The following FGF1 variants were observed in gnomAD, a reference collection of about 807,000 sequenced individuals.
The protein encoded by FGF1 is fibroblast growth factor 1, also known as beta-endothelial cell growth factor.
A neutral mutation model predicts 13.4 loss-of-function variants in FGF1; 9 were observed. The observed-to-expected ratio is 0.67, with a 90% CI of 0.40 to 1.17. FGF1 has a LOEUF of 1.17. FGF1 is among the 50% of genes most tolerant of loss of function. The probability of loss-of-function intolerance (pLI) is 0.01; values close to 1 mark genes in which losing one functional copy is unlikely to be tolerated. For synonymous variants in FGF1, 93 were observed against 79.0 expected (o/e 1.18, Z -0.94); for missense variants, 156 against 192.7 (o/e 0.81, Z 1.13).
intron 1 of FGF1, among the ~76,000 whole-genome samples, chr5:142,662,429 A>G (rs1769434101): frequency 6.6e-6 from 1 of 152,234 alleles, no homozygotes; most frequent in East Asian, 1.9e-4. Flanking sequence ...GTGGACACCA[A>G]TTCAATGATT....
At position 142,629,893 on chromosome 5, in the gene FGF1, A is replaced by ATTC. The variant is rs1229121020; in HGVS notation, c.-34-15733_-34-15732insGAA. Among the ~76,000 whole-genome samples, 282 of 120,060 alleles carry ATTC rather than the reference A, an allele frequency of 2.3e-3. 3 individuals carry two copies. The highest frequency in any genetic ancestry group is 4.2e-3 in the Non-Finnish European group (240 of 57,430). 78.8% of individuals were successfully genotyped at this position (120,060 alleles called of 152,430 possible). ...ACATATATATTATATATATATATAT[A>ATTC]TATTTTTTTTTTTTCTTTGAGATAG... On this transcript the variant is annotated intron_variant, in intron 1 of 3. Coordinates refer to ENST00000337706, the MANE Select transcript of FGF1 (RefSeq NM_000800.5).
chr5:142,599,370 G>A (rs1436882667), intron 3 of FGF1, among the ~76,000 whole-genome samples: 2 of 152,232 alleles, frequency 1.3e-5, no homozygotes, highest in Non-Finnish European at 2.9e-5. Context: ...GAGAGGAAAC[G>A]AAGCTGTGTT....
intron 1 of FGF1, among the ~76,000 whole-genome samples, chr5:142,623,185 A>G (rs550175646): frequency 1.3e-5 from 2 of 152,276 alleles, no homozygotes; most frequent in South Asian, 4.1e-4. Context: ...GACACTCACT[A>G]GTAAATGACT....
At chr5:142,624,824 A>T (rs1762200799) in intron 1 of FGF1, among the ~76,000 whole-genome samples, 1 of 152,264 alleles carries the variant, frequency 6.6e-6, no homozygotes, top group Admixed American at 6.5e-5. Context: ...AAATTCAAAA[A>T]GCTCTGAAAG....
chr5:142,687,595 C>T (rs1287399079), upstream of FGF1, among the ~76,000 whole-genome samples: 2 of 152,138 alleles, frequency 1.3e-5, no homozygotes, highest in African/African-American at 2.4e-5. Context: ...TCCAAAGGGC[C>T]TTCTGAATCC....
chr5:142,691,860 A>G (rs1231554408), intron 2 of FGF1, among the ~76,000 whole-genome samples: 1 of 152,196 alleles, frequency 6.6e-6, no homozygotes, highest in African/African-American at 2.4e-5. Flanking sequence ...GCCTGCACAT[A>G]GGATCTGCCA....
intron 1 of FGF1, among the ~76,000 whole-genome samples, chr5:142,615,966 C>T (rs1327283474): frequency 6.6e-6 from 1 of 152,224 alleles, no homozygotes; most frequent in African/African-American, 2.4e-5. Flanking sequence ...CACCAACAGC[C>T]TCTCCTTTTG....
At chr5:142,658,811 G>T (rs1429972670) in intron 1 of FGF1, among the ~76,000 whole-genome samples, 3 of 152,116 alleles carry the variant, frequency 2.0e-5, no homozygotes, top group Non-Finnish European at 4.4e-5. Flanking sequence ...TTGCCGTCCT[G>T]GTACCTGTGT....
chr5:142,637,074 A>G (rs1198269216), intron 1 of FGF1, among the ~76,000 whole-genome samples: 1 of 151,970 alleles, frequency 6.6e-6, no homozygotes, highest in Non-Finnish European at 1.5e-5. Context: ...GTATGGGCTA[A>G]ATGCTGTGTC....
intron 1 of FGF1, among the ~76,000 whole-genome samples, chr5:142,618,233 C>G (rs1284596417): frequency 3.3e-5 from 5 of 152,124 alleles, no homozygotes; most frequent in African/African-American, 9.7e-5. Context: ...TAGAGGAACA[C>G]CAAGCCTATT....
At chr5:142,697,707 G>A (rs1753348798) in exon 2 of FGF1, 1 of 152,340 alleles carries the variant, frequency 6.6e-6, no homozygotes, top group South Asian at 2.1e-4. Flanking sequence ...GACAGCTGCA[G>A]GCAGGCTGCT....
At chr5:142,687,820 T>A (rs1751497521), upstream of FGF1, among the ~76,000 whole-genome samples, 1 of 152,212 alleles carries the variant, frequency 6.6e-6, no homozygotes, top group Admixed American at 6.5e-5. Context: ...CAGGTCTCCC[T>A]GCTTTAGGTT....
chr5:142,608,567 TATATATATATATATATAC>T (rs748560868), intron 2 of FGF1, among the ~76,000 whole-genome samples: 3,600 of 97,484 alleles, frequency 0.037, 118 homozygotes, highest in Middle Eastern at 0.065. Flanking sequence ...TATATATATA[TATATATATATATATATAC>T]ACACACACAC....
intron 1 of FGF1, among the ~76,000 whole-genome samples, chr5:142,618,875 A>T (rs1355703033): frequency 1.4e-5 from 2 of 147,028 alleles, no homozygotes; most frequent in Admixed American, 1.3e-4. Context: ...AAAGACTGTG[A>T]TGTGTTAAGA....
intron 1 of FGF1, among the ~76,000 whole-genome samples, chr5:142,644,474 C>T (rs1223424701): frequency 6.6e-6 from 1 of 151,988 alleles, no homozygotes; most frequent in Non-Finnish European, 1.5e-5. Context: ...CTGGACCATT[C>T]CTGCAGTGTG....
intron 2 of FGF1, among the ~76,000 whole-genome samples, chr5:142,608,791 T>C (rs1340860166): frequency 2.8e-5 from 2 of 72,230 alleles, no homozygotes; most frequent in Admixed American, 3.3e-4. Context: ...GTATATGTGA[T>C]ATATTATGTG....
chr5:142,646,208 CTTTTTTTTTT>C (rs762008952), intron 1 of FGF1, among the ~76,000 whole-genome samples: 1 of 54,916 alleles, frequency 1.8e-5, no homozygotes, highest in African/African-American at 7.2e-5. Context: ...CGCACCTGGC[CTTTTTTTTTT>C]TTTTTTTTTT....
intron 2 of FGF1, among the ~76,000 whole-genome samples, chr5:142,612,646 T>G (rs1759322363): frequency 6.6e-6 from 1 of 151,888 alleles, no homozygotes; most frequent in South Asian, 2.1e-4. Flanking sequence ...CTGACACCTG[T>G]TTTTCACTGA....
chr5:142,598,041 A>G (rs1453470439), intron 3 of FGF1, among the ~76,000 whole-genome samples: 1 of 152,230 alleles, frequency 6.6e-6, no homozygotes, highest in Non-Finnish European at 1.5e-5. Context: ...AGATATAAAT[A>G]TAATATTTTA....
Sources: allele counts gnomAD v4.1 joint callset (sites outside exome capture counted in the v4.1 genomes callset), GRCh38; gene constraint gnomAD v4.1.1; transcripts MANE v1.5; gene names NCBI Gene and HGNC (gene_info 2026-07-23, HGNC 2026-07-21).